PTCHD4: variants seen among roughly 807,000 people sequenced by gnomAD.
PTCHD4 encodes the protein patched domain-containing protein 4.
PTCHD4 carries 33 observed loss-of-function variants against 58.1 expected under a neutral mutation model. The observed-to-expected ratio is 0.57, with a 90% CI of 0.43 to 0.76. PTCHD4 has a LOEUF of 0.76. PTCHD4 is among the 30% of genes least tolerant of loss of function. The pLI, the probability that PTCHD4 is intolerant of heterozygous loss-of-function variation, is 0.00. For missense variants in PTCHD4, 1,058 were observed against 1,027.1 expected (o/e 1.03, Z -0.41); for synonymous variants, 478 against 409.6 (o/e 1.17, Z -2.02).
At chr6:47,958,974 T>C (rs1195587153) in intron 4 of PTCHD4, among the ~76,000 whole-genome samples, 1 of 152,158 alleles carries the variant, frequency 6.6e-6, no homozygotes, top group Non-Finnish European at 1.5e-5. Flanking sequence ...GAAAACTGTT[T>C]CTAATATAAG....
chr6:48,007,650 G>A (rs1431127423), intron 4 of PTCHD4, among the ~76,000 whole-genome samples: 2 of 152,132 alleles, frequency 1.3e-5, no homozygotes, highest in Non-Finnish European at 2.9e-5. Context: ...TACCTAATTA[G>A]TTCACCAGCA....
At position 48,068,820 on chromosome 6, in the gene PTCHD4, T is replaced by C. The variant is rs1173224458; in HGVS notation, c.5+133A>G. 7 of 615,390 alleles carry C rather than the reference T, an allele frequency of 1.1e-5. No individual in the cohort carries two copies. In the South Asian group the frequency reaches 1.5e-4, roughly 14 times the overall value. The allele number at this position is 615,390 out of a possible 1,614,324, so 38.1% of individuals were successfully genotyped here. A position where few individuals can be genotyped will look rare whatever the true frequency, so the allele number is the denominator to read the frequency against. On this transcript the variant is annotated intron_variant, in intron 2 of 4. Transcript: ENST00000339488. The surrounding 1 kb of genome is among the most constrained non-coding windows in gnomAD (Gnocchi z 4.2). Reference sequence around the variant, plus strand: ...ACCTCCATGCGCTCCTACTACTCTTTCAAACACTGCAGCAAGTTGCAGCAA... The same window carrying C: ...ACCTCCATGCGCTCCTACTACTCTTCCAAACACTGCAGCAAGTTGCAGCAA...
chr6:47,901,701 A>C, intron 4 of PTCHD4: 2 of 1,153,408 alleles, frequency 1.7e-6, no homozygotes, highest in Non-Finnish European at 2.2e-6. Flanking sequence ...ACCTCCAAAA[A>C]ATAGAGGGCT....
chr6:47,956,623 C>T (rs1456764781), intron 4 of PTCHD4, among the ~76,000 whole-genome samples: 3 of 151,792 alleles, frequency 2.0e-5, no homozygotes, highest in Non-Finnish European at 2.9e-5. Flanking sequence ...TTAGTAGAGA[C>T]GGGGTTTCAC....
intron 4 of PTCHD4, among the ~76,000 whole-genome samples, chr6:47,986,078 A>G (rs1431542632): frequency 6.6e-6 from 1 of 152,164 alleles, no homozygotes; most frequent in Non-Finnish European, 1.5e-5. Flanking sequence ...ATCTGTAGAC[A>G]GTATGACCCC....
rs1461931780 is a variant in PTCHD4 at position 47,869,154 on chromosome 6, C to T, written c.*9149G>A. On this transcript the variant is annotated 3_prime_UTR_variant, in exon 5 of 5. Transcript: ENST00000339488. ...CTATGCGTTATGTATAATGCCACCA[C>T]ATTATTCATCAAAATACAGTGGACT... Among the ~76,000 whole-genome samples, 2 of 151,680 alleles carry T rather than the reference C, an allele frequency of 1.3e-5. No individual in the cohort carries two copies. The highest frequency in any genetic ancestry group is 4.8e-5 in the African/African-American group (2 of 41,356).
At chr6:47,943,875 T>C (rs1766325140) in intron 4 of PTCHD4, among the ~76,000 whole-genome samples, 3 of 152,074 alleles carry the variant, frequency 2.0e-5, no homozygotes, top group Admixed American at 6.6e-5. Flanking sequence ...TGTCAAAATG[T>C]CAGGGTCATA....
rs369550897 is a variant in PTCHD4 at position 48,019,666 on chromosome 6, G to A, written c.418-10552C>T. Among the ~76,000 whole-genome samples the A allele has an allele frequency of 1.3e-3, 197 of 152,002 alleles. 4 individuals carry two copies. The South Asian group carries it at 0.038, about 30-fold the overall frequency. ...CAGGAGAATGGCGTTAACCCGGCAG[G>A]CGGAGCTTGCACTGAGCTGAGATGG... On this transcript the variant is annotated intron_variant, in intron 3 of 4. Transcript: ENST00000339488.
rs1358171603 is a variant in PTCHD4, at chr6:47,879,666, G to A, written c.1169C>T (p.Ala390Val). Residue 390 changes from alanine to valine, a missense_variant, in exon 5 of 5, where the codon GCT becomes GTT. Transcript: ENST00000339488. ...GTAGCGGTTTTGCTCTAGTTGGCCA[G>A]CAAAGACCAGACAGGAGCCAAAGAA... is the stretch of plus-strand genomic sequence containing the variant. ...FSFFGSCLVF[A>V]GQLEQNRYHS... The A allele has an allele frequency of 1.2e-6, 2 of 1,613,318 alleles. No individual in the cohort carries two copies. The highest frequency in any genetic ancestry group is 2.7e-5 in the African/African-American group (2 of 74,862).
At chr6:48,062,664 C>T (rs906505775) in intron 3 of PTCHD4, among the ~76,000 whole-genome samples, 1 of 152,050 alleles carries the variant, frequency 6.6e-6, no homozygotes, top group Non-Finnish European at 1.5e-5. Context: ...AGAACTTATC[C>T]CAATAGGATG....
At chr6:48,019,668 G>A (rs192341204) in intron 3 of PTCHD4, among the ~76,000 whole-genome samples, 253 of 151,750 alleles carry the variant, frequency 1.7e-3, no homozygotes, top group Middle Eastern at 6.8e-3. Context: ...CCCGGCAGGC[G>A]GAGCTTGCAC....
intron 4 of PTCHD4, among the ~76,000 whole-genome samples, chr6:47,953,574 T>G (rs1029264790): frequency 5.3e-5 from 8 of 152,108 alleles, no homozygotes; most frequent in African/African-American, 1.7e-4. Context: ...ACATAGTCAC[T>G]GAAAAATTAG....
intron 4 of PTCHD4, among the ~76,000 whole-genome samples, chr6:47,952,765 A>G (rs1766702129): frequency 6.6e-6 from 1 of 152,072 alleles, no homozygotes; most frequent in Non-Finnish European, 1.5e-5. Flanking sequence ...GTATTAGGCT[A>G]TATCATTTCA....
chr6:48,007,056 C>T (rs527626646), intron 4 of PTCHD4, among the ~76,000 whole-genome samples: 7 of 152,090 alleles, frequency 4.6e-5, no homozygotes, highest in African/African-American at 1.4e-4. Context: ...CTGGCCAACA[C>T]GGTGAAACCT....
chr6:48,078,476 G>T (rs141196979), intron 1 of PTCHD4, among the ~76,000 whole-genome samples: 1 of 152,324 alleles, frequency 6.6e-6, no homozygotes, highest in Non-Finnish European at 1.5e-5. Context: ...AATGCACAAA[G>T]ATGACATGCT....
chr6:47,876,735 T>C lies in PTCHD4; in HGVS notation c.*1568A>G, dbSNP rs1763857960. ...TGTCCTACCTGGAAATAAATTATGTTACTGCTTGGCATGGGAAAAGGCATT... is the reference window on the plus strand; with the variant it reads ...TGTCCTACCTGGAAATAAATTATGTCACTGCTTGGCATGGGAAAAGGCATT... On this transcript the variant is annotated 3_prime_UTR_variant, in exon 5 of 5. Transcript: ENST00000339488. Among the ~76,000 whole-genome samples the C allele has an allele frequency of 6.6e-6, 1 of 152,000 alleles. No homozygotes were observed. The highest frequency in any genetic ancestry group is 6.6e-5 in the Admixed American group (1 of 15,226).
rs1393996182 is a variant in PTCHD4 at position 47,869,324 on chromosome 6, G to T, written c.*8979C>A. Among the ~76,000 whole-genome samples the T allele has an allele frequency of 6.6e-6, 1 of 151,678 alleles. No homozygotes were observed. The highest frequency in any genetic ancestry group is 1.9e-4 in the East Asian group (1 of 5,134). The stretch of plus-strand genomic sequence containing the variant: ...TGATTAATCTCTGGGTACTACTGAG[G>T]AGCCGCTGGCTCACTCATTGTCTCC... On this transcript the variant is annotated 3_prime_UTR_variant, in exon 5 of 5. Transcript: ENST00000339488.
At chr6:47,961,122 A>C (rs1001352993) in intron 4 of PTCHD4, among the ~76,000 whole-genome samples, 5 of 152,078 alleles carry the variant, frequency 3.3e-5, no homozygotes, top group African/African-American at 4.8e-5. Flanking sequence ...TTAAAAAAAA[A>C]TTTCAGGTTC....
intron 3 of PTCHD4, among the ~76,000 whole-genome samples, chr6:48,045,966 T>C (rs537538948): frequency 5.3e-5 from 8 of 151,802 alleles, no homozygotes; most frequent in Non-Finnish European, 8.8e-5. Flanking sequence ...GAATATTAGC[T>C]ATATTCTTAA....
Sources: allele counts gnomAD v4.1 joint callset (sites outside exome capture counted in the v4.1 genomes callset), GRCh38; gene constraint gnomAD v4.1.1; non-coding constraint Gnocchi (gnomAD v3.1); transcripts MANE v1.5; gene names NCBI Gene and HGNC (gene_info 2026-07-23, HGNC 2026-07-21).